Variants in TANGO2 observed in about 807,000 individuals in gnomAD.
The protein encoded by TANGO2 is transport and Golgi organization protein 2 homolog.
Under a neutral mutation model 39.1 loss-of-function variants are expected in TANGO2, and 26 were observed. That is an observed-to-expected ratio of 0.67 (90% CI 0.49 to 0.92). The LOEUF is 0.92. Among genes scored for constraint, TANGO2 ranks in the 40% least tolerant of loss-of-function variants. TANGO2 has a pLI of 0.00. For synonymous variants in TANGO2, 131 were observed against 144.5 expected, an observed-to-expected ratio of 0.91 and a Z score of 0.67; for missense variants, 326 against 360.1, an observed-to-expected ratio of 0.91 and a Z score of 0.77.
intron 6 of TANGO2, among the ~76,000 whole-genome samples, chr22:20,060,207 G>A (rs1005577289): frequency 4.6e-5 from 7 of 152,104 alleles, no homozygotes; most frequent in African/African-American, 1.7e-4. Context: ...AAATTATCCA[G>A]GCGTGGTGGC....
intron 3 of TANGO2, among the ~76,000 whole-genome samples, chr22:20,045,499 C>CTTTTT (rs695487): frequency 9.8e-5 from 11 of 112,534 alleles, no homozygotes; most frequent in Non-Finnish European, 1.4e-4. Context: ...GCCATCACTT[C>CTTTTT]TTTTTTTTTT....
chr22:20,051,895 G>A (rs2046402810), intron 3 of TANGO2, among the ~76,000 whole-genome samples: 1 of 152,184 alleles, frequency 6.6e-6, no homozygotes, highest in South Asian at 2.1e-4. Flanking sequence ...ACATCTTAAT[G>A]ACAGCCTTTT....
chr22:20,027,494 G>A (rs2040994730), intron 1 of TANGO2, among the ~76,000 whole-genome samples: 1 of 152,222 alleles, frequency 6.6e-6, no homozygotes, highest in African/African-American at 2.4e-5. Flanking sequence ...CAGGGAGAAC[G>A]GAGCAATGGG....
At chr22:20,055,560 G>A (rs1441734310) in intron 5 of TANGO2, 1 of 319,136 alleles carries the variant, frequency 3.1e-6, no homozygotes, top group Non-Finnish European at 6.0e-6. Flanking sequence ...CCTCATAGAT[G>A]AGCTGTGGTA....
chr22:20,022,690 G>T (rs1246879417), intron 1 of TANGO2, among the ~76,000 whole-genome samples: 1 of 152,270 alleles, frequency 6.6e-6, no homozygotes, highest in Non-Finnish European at 1.5e-5. Flanking sequence ...CCTGTGCCCG[G>T]CTTCTGCGCC....
At chr22:20,063,274 G>A (rs2048715464) in intron 7 of TANGO2, 64 bp from the exon 8 acceptor site, 13 of 1,505,956 alleles carry the variant, frequency 8.6e-6, no homozygotes, top group Non-Finnish European at 1.2e-5. Context: ...GTGGGCTGGG[G>A]CTAGACCCGG....
Position 20,043,360 on chromosome 22 carries a change from T to C in TANGO2, c.62T>C (p.Ile21Thr), listed in dbSNP as rs2044351690. The change falls in exon 3 of 9, where the codon ATC (isoleucine) becomes ACC (threonine). Residue 21 changes from isoleucine to threonine, a missense_variant. By Grantham distance (89) the Ile-to-Thr change is moderately conservative. Transcript: ENST00000327374. The stretch of plus-strand genomic sequence containing the variant: ...GTGATGCTTTCCTCTTGCAGGCTCA[T>C]CTTGGCAGCCAACAGGGATGAATTC... ...RPVSKNAYRL[I>T]LAANRDEFYS... is the part of the protein sequence containing the mutation. 4 of 1,612,472 alleles carry C rather than the reference T, an allele frequency of 2.5e-6. No homozygotes were observed. The highest frequency in any genetic ancestry group is 3.4e-6 in the Non-Finnish European group (4 of 1,178,830).
intron 3 of TANGO2, among the ~76,000 whole-genome samples, chr22:20,047,466 C>T (rs927956390): frequency 6.6e-6 from 1 of 152,014 alleles, no homozygotes; most frequent in South Asian, 2.1e-4. Flanking sequence ...AACTCTTGAC[C>T]TCAGGCAATC....
intron 3 of TANGO2, chr22:20,048,369 G>A (rs1446818993): frequency 6.6e-6 from 1 of 152,188 alleles, no homozygotes; most frequent in African/African-American, 2.4e-5. Context: ...TGAACTATGA[G>A]TCACATATCT....
chr22:20,049,172 A>G (rs80146538), intron 3 of TANGO2, among the ~76,000 whole-genome samples: 4,561 of 152,250 alleles, frequency 0.03, 112 homozygotes, highest in Non-Finnish European at 0.049. Flanking sequence ...CCAACCCCCA[A>G]ATCTCTCTAG....
chr22:20,053,386 G>C, intron 4 of TANGO2, 51 bp from the exon 5 acceptor site: 2 of 1,333,594 alleles, frequency 1.5e-6, no homozygotes, highest in Non-Finnish European at 2.2e-6. Context: ...GTTCCTGGGA[G>C]AAGAGCACAT....
At chr22:20,025,912 C>T (rs2040649885) in intron 1 of TANGO2, among the ~76,000 whole-genome samples, 1 of 152,180 alleles carries the variant, frequency 6.6e-6, no homozygotes, top group South Asian at 2.1e-4. Context: ...GCTAGGGTGA[C>T]TACTGCAGCA....
At chr22:20,028,917 G>A (rs953199864) in intron 1 of TANGO2, among the ~76,000 whole-genome samples, 1 of 152,194 alleles carries the variant, frequency 6.6e-6, no homozygotes, top group Non-Finnish European at 1.5e-5. Flanking sequence ...CCTGTGGTGG[G>A]CACTGAGAGC....
chr22:20,062,619 G>A (rs1225305134), intron 7 of TANGO2, among the ~76,000 whole-genome samples: 4 of 152,234 alleles, frequency 2.6e-5, no homozygotes, highest in Non-Finnish European at 5.9e-5. Context: ...GGGGCAGGCC[G>A]AGGACCGGCC....
At chr22:20,036,269 G>A (rs1361619128) in intron 1 of TANGO2, among the ~76,000 whole-genome samples, 3 of 152,156 alleles carry the variant, frequency 2.0e-5, no homozygotes, top group Admixed American at 6.5e-5. Flanking sequence ...AGGGACCTGC[G>A]TACTAGGGGA....
rs1228709656 is a variant in TANGO2, at chr22:20,039,356, C to T, written c.56+2502C>T. ...AAAACTGCCTGTTTACAGCCGGGTG[C>T]GGTGGCTCACGCCTGTAATCCCAGC... On this transcript the variant is annotated intron_variant, in intron 2 of 8. Transcript: ENST00000327374. 4.6e-5 allele frequency among the ~76,000 whole-genome samples: 7 copies of T among 151,442 alleles called. No homozygotes were observed. In the East Asian group the frequency reaches 9.9e-4, roughly 21 times the overall value.
intron 5 of TANGO2, chr22:20,055,611 C>T (rs2047186002): frequency 2.4e-6 from 1 of 418,080 alleles, no homozygotes; most frequent in Admixed American, 3.6e-5. Flanking sequence ...GGATGGGGCT[C>T]AGCCCTGCAG....
rs2044000061 is a variant in TANGO2, at chr22:20,041,811, G to A, written c.57-1544G>A. On this transcript the variant is annotated intron_variant, in intron 2 of 8. Coordinates refer to ENST00000327374, the MANE Select transcript of TANGO2 (RefSeq NM_152906.7). ...ATTTCACATTTAATCAGGAGCAAAT[G>A]TTGTTTTATGAAATTGATGTGCAAT... is the stretch of plus-strand genomic sequence containing the variant. Among the ~76,000 whole-genome samples, 12 of 152,166 alleles carry A rather than the reference G, an allele frequency of 7.9e-5. No homozygotes were observed. The South Asian group carries it at 2.5e-3, about 32-fold the overall frequency.
intron 6 of TANGO2, chr22:20,056,983 G>A (rs1054504040): frequency 2.2e-6 from 1 of 455,606 alleles, no homozygotes; most frequent in Non-Finnish European, 4.4e-6. Flanking sequence ...CCCTCTGTGA[G>A]GGGGCTCCCT....
Sources: gnomAD v4.1 joint callset for allele counts (sites outside exome capture counted in the v4.1 genomes callset) on GRCh38, gnomAD v4.1.1 for gene constraint, MANE v1.5 for transcripts, NCBI Gene and HGNC (gene_info 2026-07-23, HGNC 2026-07-21) for gene names.